The following ARHGAP12 variants were observed in gnomAD, a reference collection of about 807,000 sequenced individuals.
ARHGAP12 encodes the protein Rho GTPase activating protein 12.
In ARHGAP12, 64 loss-of-function variants were observed where a neutral mutation model predicts 108.6. The ratio of observed to expected loss-of-function variants is 0.59; its 90% CI spans 0.48 to 0.73. The LOEUF (loss-of-function observed/expected upper bound fraction) is 0.73, where lower values mean the gene tolerates loss of function less well. ARHGAP12 is among the 30% of genes least tolerant of loss of function. The pLI is 0.00. For missense variants in ARHGAP12, 940 were observed against 1,005.9 expected (o/e 0.93, Z 0.89); for synonymous variants, 312 against 337.2 (o/e 0.93, Z 0.82).
Position 31,894,312 on chromosome 10 carries a change from C to G in ARHGAP12, c.684+13860G>C, listed in dbSNP as rs538850487. Among the ~76,000 whole-genome samples, 622 of 152,240 alleles carry G rather than the reference C, an allele frequency of 4.1e-3. 4 individuals are homozygous for G. Among genetic ancestry groups the G allele is most frequent in the Non-Finnish European group, 6.9e-3 (469 of 68,012 alleles). On this transcript the variant is annotated intron_variant, in intron 3 of 19. Coordinates refer to ENST00000344936, the MANE Select transcript of ARHGAP12 (RefSeq NM_018287.7). ...AGGAAAAGAGGAAGTCAAATTGTCC[C>G]TGTTTGCAGATGACATGATTGTATA...
chr10:31,808,834 G>C, intron 18 of ARHGAP12, 83 bp from the exon 19 acceptor site: 1 of 1,448,630 alleles, frequency 6.9e-7, no homozygotes, highest in Non-Finnish European at 9.6e-7. Context: ...GCTGATATTT[G>C]GTAATACACA....
intron 18 of ARHGAP12, 35 bp downstream of exon 18, chr10:31,808,959 T>C (rs749645451): frequency 7.8e-6 from 12 of 1,528,694 alleles, no homozygotes; most frequent in Non-Finnish European, 1.1e-5. Context: ...GAATTTTCAA[T>C]ATCTAGAAAA....
intron 1 of ARHGAP12, among the ~76,000 whole-genome samples, chr10:31,920,021 G>A (rs1349304446): frequency 1.3e-5 from 2 of 150,860 alleles, no homozygotes. Context: ...CAGGAGAATC[G>A]CTTGAACCTG....
At position 31,805,639 on chromosome 10, in the gene ARHGAP12, T is replaced by C. The variant is rs1286748534; in HGVS notation, c.*2019A>G. On this transcript the variant is annotated 3_prime_UTR_variant, in exon 20 of 20. Coordinates refer to ENST00000344936, the MANE Select transcript of ARHGAP12 (RefSeq NM_018287.7). ...TGATTAGCTGTAGACTAATAAAACATTTAAGACTTCACACACACACACACA... is the reference window on the plus strand; with the variant it reads ...TGATTAGCTGTAGACTAATAAAACACTTAAGACTTCACACACACACACACA... 8.5e-6 allele frequency: 1 copy of C among 118,234 alleles called. No homozygotes were observed. The highest frequency in any genetic ancestry group is 1.7e-5 in the Non-Finnish European group (1 of 59,830). The allele number at this position is 118,234 out of a possible 1,614,324, so 7.3% of individuals were successfully genotyped here.
At chr10:31,915,153 G>A (rs899035585) in intron 1 of ARHGAP12, among the ~76,000 whole-genome samples, 4 of 152,190 alleles carry the variant, frequency 2.6e-5, no homozygotes, top group South Asian at 2.1e-4. Context: ...TTGGGAGACC[G>A]GGGCGTGCAG....
intron 3 of ARHGAP12, among the ~76,000 whole-genome samples, chr10:31,865,945 T>A (rs1837308585): frequency 6.6e-6 from 1 of 151,468 alleles, no homozygotes; most frequent in African/African-American, 2.4e-5. Flanking sequence ...CAATAACATA[T>A]GAAAGCATAC....
chr10:31,849,037 G>A lies in ARHGAP12; in HGVS notation c.1170+3480C>T, dbSNP rs556913506. On this transcript the variant is annotated intron_variant, in intron 6 of 19. Coordinates refer to ENST00000344936, the MANE Select transcript of ARHGAP12 (RefSeq NM_018287.7). ...CGCGCCACTGCACTCCAGCCTGGGC[G>A]ACAGAGCGAGACTCGTCTTTAAAAA... Among the ~76,000 whole-genome samples the A allele has an allele frequency of 1.1e-3, 166 of 151,636 alleles. 2 individuals carry two copies. Among genetic ancestry groups the A allele is most frequent in the East Asian group, 7.8e-4 (4 of 5,160 alleles).
chr10:31,873,018 G>A (rs1422269674), intron 3 of ARHGAP12, among the ~76,000 whole-genome samples: 1 of 152,064 alleles, frequency 6.6e-6, no homozygotes, highest in Non-Finnish European at 1.5e-5. Flanking sequence ...GTTCCCCAAA[G>A]GCAGAATTCA....
chr10:31,916,242 CG>C (rs1489704351), intron 1 of ARHGAP12, among the ~76,000 whole-genome samples: 2 of 152,154 alleles, frequency 1.3e-5, no homozygotes, highest in Non-Finnish European at 2.9e-5. Context: ...TGCTACACCC[CG>C]ATGCTGCTCT....
Position 31,909,034 on chromosome 10 carries a change from T to C in ARHGAP12, c.-71-108A>G, listed in dbSNP as rs1195963658. On this transcript the variant is annotated intron_variant, in intron 2 of 19. Transcript: ENST00000344936. ...GTATAGGCCATTTAAAGAACATTAC[T>C]TCAAATCTCAAACCCCAAAAAGCAA... The C allele has an allele frequency of 1.3e-5, 8 of 601,468 alleles. No homozygotes were observed. In the East Asian group the frequency reaches 2.4e-4, roughly 18 times the overall value. The allele number at this position is 601,468 out of a possible 1,614,324, so 37.3% of individuals were successfully genotyped here.
At chr10:31,889,894 A>T (rs1156746377) in intron 3 of ARHGAP12, among the ~76,000 whole-genome samples, 1 of 151,646 alleles carries the variant, frequency 6.6e-6, no homozygotes, top group Non-Finnish European at 1.5e-5. Flanking sequence ...AGATTTTTGT[A>T]TATTTTAATA....
intron 10 of ARHGAP12, among the ~76,000 whole-genome samples, chr10:31,829,464 C>A (rs556319707): frequency 6.6e-6 from 1 of 152,164 alleles, no homozygotes; most frequent in African/African-American, 2.4e-5. Flanking sequence ...GTTAAGATAG[C>A]AAACTTATGT....
At chr10:31,857,391 C>A (rs1253925058) in intron 4 of ARHGAP12, among the ~76,000 whole-genome samples, 2 of 151,990 alleles carry the variant, frequency 1.3e-5, no homozygotes, top group Non-Finnish European at 2.9e-5. Flanking sequence ...GGGAAAAATA[C>A]CAAATAGAAG....
chr10:31,877,675 T>A lies in ARHGAP12; in HGVS notation c.685-16017A>T, dbSNP rs111447112. Among the ~76,000 whole-genome samples, 1,212 of 152,384 alleles carry A rather than the reference T, an allele frequency of 8.0e-3. 14 individuals carry two copies. Among genetic ancestry groups the A allele is most frequent in the Middle Eastern group, 0.024 (7 of 294 alleles). Reference sequence around the variant, plus strand: ...ATCCCATTGTGTGCGTTACAACTACTTGAGTGTTTTAGCAATACCATCCAC... The same window carrying A: ...ATCCCATTGTGTGCGTTACAACTACATGAGTGTTTTAGCAATACCATCCAC... On this transcript the variant is annotated intron_variant, in intron 3 of 19. Coordinates refer to ENST00000344936, the MANE Select transcript of ARHGAP12 (RefSeq NM_018287.7).
chr10:31,843,653 A>T lies in ARHGAP12; in HGVS notation c.1171-67T>A, dbSNP rs979933965. On this transcript the variant is annotated intron_variant, in intron 6 of 19. Coordinates refer to ENST00000344936, the MANE Select transcript of ARHGAP12 (RefSeq NM_018287.7). The stretch of plus-strand genomic sequence containing the variant: ...AACAATAGAAATGAAAGTGGAATCT[A>T]AACATCTTGGCTCCAAATGACAAAG... 10 of 1,481,976 alleles carry T rather than the reference A, an allele frequency of 6.7e-6. No individual in the cohort carries two copies. The African/African-American group carries it at 1.1e-4, about 17-fold the overall frequency. The allele number at this position is 1,481,976 out of a possible 1,614,324, so 91.8% of individuals were successfully genotyped here. A position where few individuals can be genotyped will look rare whatever the true frequency, so the allele number is the denominator to read the frequency against.
chr10:31,880,177 C>T (rs1837885765), intron 3 of ARHGAP12, among the ~76,000 whole-genome samples: 1 of 152,102 alleles, frequency 6.6e-6, no homozygotes, highest in South Asian at 2.1e-4. Flanking sequence ...ACAGTTTTTG[C>T]CTTCTTTATT....
At chr10:31,925,451 T>C (rs867296373) in intron 1 of ARHGAP12, among the ~76,000 whole-genome samples, 14 of 152,224 alleles carry the variant, frequency 9.2e-5, no homozygotes, top group South Asian at 2.1e-4. Flanking sequence ...TAACAACTTA[T>C]GTTAGTATGG....
chr10:31,850,338 T>C (rs1836625604), intron 6 of ARHGAP12, among the ~76,000 whole-genome samples: 1 of 152,226 alleles, frequency 6.6e-6, no homozygotes, highest in South Asian at 2.1e-4. Context: ...AGAGCTTGTA[T>C]TTTATAAGCA....
chr10:31,840,222 C>T (rs1348977956), intron 7 of ARHGAP12, among the ~76,000 whole-genome samples: 2 of 151,798 alleles, frequency 1.3e-5, no homozygotes, highest in Non-Finnish European at 2.9e-5. Flanking sequence ...TTATAGAAAA[C>T]TTTCCAAAAA....
Sources: allele counts gnomAD v4.1 joint callset (sites outside exome capture counted in the v4.1 genomes callset), GRCh38; gene constraint gnomAD v4.1.1; transcripts MANE v1.5; gene names NCBI Gene and HGNC (gene_info 2026-07-23, HGNC 2026-07-21).